ANKH: variants seen among roughly 807,000 people sequenced by gnomAD.
ANKH encodes mineralization regulator ANKH.
ANKH carries 15 observed loss-of-function variants against 49.0 expected under a neutral mutation model. That is an observed-to-expected ratio of 0.31 (90% CI 0.20 to 0.47). The LOEUF (loss-of-function observed/expected upper bound fraction) is 0.47, where lower values mean the gene tolerates loss of function less well. Ranked by LOEUF, ANKH falls within the 20% of genes least tolerant of loss-of-function variation. ANKH has a pLI of 1.00. For synonymous variants in ANKH, 273 were observed against 260.0 expected, an observed-to-expected ratio of 1.05 and a Z score of -0.48; for missense variants, 429 against 652.0, an observed-to-expected ratio of 0.66 and a Z score of 3.72.
chr5:14,868,577 G>A (rs1176367141), intron 1 of ANKH: 1 of 151,014 alleles, frequency 6.6e-6, no homozygotes, highest in Non-Finnish European at 1.5e-5. Context: ...TTTTTTGTTT[G>A]TTTGTATTTT....
chr5:14,797,832 C>A (rs1740437659), intron 1 of ANKH: 7 of 1,611,424 alleles, frequency 4.3e-6, no homozygotes, highest in Middle Eastern at 2.2e-4. Context: ...TAAGTGCCCA[C>A]TGAGATTTAG....
chr5:14,862,468 C>T (rs1735525613), intron 1 of ANKH, among the ~76,000 whole-genome samples: 1 of 152,154 alleles, frequency 6.6e-6, no homozygotes, highest in African/African-American at 2.4e-5. Flanking sequence ...AAAAACAACA[C>T]CTGGGCTGAT....
intron 1 of ANKH, among the ~76,000 whole-genome samples, chr5:14,825,528 T>G (rs1409992942): frequency 6.6e-6 from 1 of 152,094 alleles, no homozygotes; most frequent in Non-Finnish European, 1.5e-5. Context: ...ATTTTTGTAT[T>G]TTTTTGTAGA....
intron 1 of ANKH, among the ~76,000 whole-genome samples, chr5:14,824,709 T>C (rs1208361199): frequency 1.3e-5 from 2 of 152,154 alleles, no homozygotes; most frequent in African/African-American, 2.4e-5. Flanking sequence ...AAAGTCCCTA[T>C]TAAATTACCA....
At chr5:14,732,974 C>G (rs1311105970) in intron 8 of ANKH, among the ~76,000 whole-genome samples, 2 of 152,210 alleles carry the variant, frequency 1.3e-5, no homozygotes, top group Admixed American at 6.5e-5. Context: ...GACAGCCCCC[C>G]CAGCTGAACC....
At chr5:14,733,069 T>G (rs1738054906) in intron 8 of ANKH, among the ~76,000 whole-genome samples, 1 of 152,206 alleles carries the variant, frequency 6.6e-6, no homozygotes, top group Non-Finnish European at 1.5e-5. Context: ...GGAAACTTCT[T>G]TTTTGGTAAC....
intron 8 of ANKH, among the ~76,000 whole-genome samples, chr5:14,728,102 C>CT (rs1737877270): frequency 6.6e-6 from 1 of 152,226 alleles, no homozygotes; most frequent in Non-Finnish European, 1.5e-5. Context: ...ATGCTGGATT[C>CT]CTGAAGCTTC....
chr5:14,834,506 C>T (rs1248235827), intron 1 of ANKH, among the ~76,000 whole-genome samples: 4 of 152,138 alleles, frequency 2.6e-5, no homozygotes, highest in African/African-American at 7.2e-5. Context: ...TCTGGCCGGG[C>T]GCAGTGGCTC....
chr5:14,719,878 C>T (rs530292105), intron 8 of ANKH, among the ~76,000 whole-genome samples: 1 of 152,254 alleles, frequency 6.6e-6, no homozygotes, highest in African/African-American at 2.4e-5. Context: ...ATTTTAAAAT[C>T]CAACAACATA....
intron 1 of ANKH, among the ~76,000 whole-genome samples, chr5:14,849,473 A>G (rs1742063985): frequency 6.6e-6 from 1 of 152,206 alleles, no homozygotes; most frequent in Non-Finnish European, 1.5e-5. Context: ...AGATAGATGC[A>G]GGGAGGGCGG....
At chr5:14,717,143 G>C in intron 8 of ANKH, 1 of 388,332 alleles carries the variant, frequency 2.6e-6, no homozygotes. Flanking sequence ...GTGCTTTGGG[G>C]CAAGGGTTAA....
At chr5:14,763,716 T>G (rs1036416479) in intron 2 of ANKH, among the ~76,000 whole-genome samples, 7 of 152,228 alleles carry the variant, frequency 4.6e-5, no homozygotes, top group African/African-American at 1.7e-4. Context: ...TAGAGAACAT[T>G]TCTTATTCAT....
At chr5:14,839,139 AC>A (rs1406431254) in intron 1 of ANKH, among the ~76,000 whole-genome samples, 1 of 152,086 alleles carries the variant, frequency 6.6e-6, no homozygotes, top group Non-Finnish European at 1.5e-5. Flanking sequence ...TCAAAGTAAA[AC>A]ATGGGACATA....
intron 1 of ANKH, among the ~76,000 whole-genome samples, chr5:14,843,549 G>GA (rs60487783): frequency 0.08 from 4,854 of 60,892 alleles, 740 homozygotes; most frequent in African/African-American, 0.26. Context: ...GGGGATTAGC[G>GA]AAAAAAAAAA....
At position 14,749,179 on chromosome 5, in the gene ANKH, G is replaced by A. The variant is rs1408912237; in HGVS notation, c.815C>T (p.Ala272Val). The change falls in exon 6 of 12, where the codon GCC (alanine) becomes GTC (valine). Residue 272 changes from alanine to valine, a missense_variant. Coordinates refer to ENST00000284268, the MANE Select transcript of ANKH (RefSeq NM_054027.6). ...VSRDLGGSSA[A>V]TEAVAILTAT... ...CCCCAAAGCATGGCCCACCTCTGTG[G>A]CTGCAGAACTGCCACCAAGGTCCCG... 6.2e-7 allele frequency: 1 copy of A among 1,614,028 alleles called. No homozygotes were observed. The highest frequency in any genetic ancestry group is 2.2e-5 in the East Asian group (1 of 44,886).
intron 8 of ANKH, among the ~76,000 whole-genome samples, chr5:14,721,929 C>CA (rs35821509): frequency 0.76 from 45,474 of 59,932 alleles, 18,243 homozygotes; most frequent in Non-Finnish European, 0.81. Flanking sequence ...GACTCCGTCT[C>CA]AAAAAAAAAA....
At position 14,751,015 on chromosome 5, in the gene ANKH, A is replaced by G. The variant is rs374155773; in HGVS notation, c.687+54T>C. On this transcript the variant is annotated intron_variant, in intron 5 of 11. Coordinates refer to ENST00000284268, the MANE Select transcript of ANKH (RefSeq NM_054027.6). Reference sequence around the variant, plus strand: ...CTCATTTTACATAGAGGTGGAATACAGTTTTATTCTACTCTGAGTCTCAGA... The same window carrying G: ...CTCATTTTACATAGAGGTGGAATACGGTTTTATTCTACTCTGAGTCTCAGA... The G allele has an allele frequency of 2.3e-5, 37 of 1,596,278 alleles. No homozygotes were observed. In the East Asian group the frequency reaches 7.4e-4, roughly 32 times the overall value.
At position 14,711,319 on chromosome 5, in the gene ANKH, A is replaced by G. The variant is rs373460821; in HGVS notation, c.1366-9T>C. On this transcript the variant is annotated splice_polypyrimidine_tract_variant and intron_variant, in intron 11 of 11. Transcript: ENST00000284268. ...TTCTCCATCTTCTTTTTCTAGACCA[A>G]AGAAGACTCATCAGTGTGGGGCTGT... 4 of 1,611,038 alleles carry G rather than the reference A, an allele frequency of 2.5e-6. No homozygotes were observed. Among genetic ancestry groups the G allele is most frequent in the Non-Finnish European group, 3.4e-6 (4 of 1,177,428 alleles).
chr5:14,871,505 G>A lies in ANKH; in HGVS notation c.-58C>T. 7.0e-7 allele frequency: 1 copy of A among 1,420,628 alleles called. No individual in the cohort carries two copies. Among genetic ancestry groups the A allele is most frequent in the Non-Finnish European group, 9.7e-7 (1 of 1,035,006 alleles). 88.0% of individuals were successfully genotyped at this position (1,420,628 alleles called of 1,614,324 possible). On this transcript the variant is annotated 5_prime_UTR_variant, in exon 1 of 12. Coordinates refer to ENST00000284268, the MANE Select transcript of ANKH (RefSeq NM_054027.6). ...TGCTGCCGCGAGGGGACTCTGCGGG[G>A]AGGCGAGGGGCGACGGGGCGACGGG...
Sources: allele counts gnomAD v4.1 joint callset (sites outside exome capture counted in the v4.1 genomes callset), GRCh38; gene constraint gnomAD v4.1.1; transcripts MANE v1.5; gene names NCBI Gene and HGNC (gene_info 2026-07-23, HGNC 2026-07-21).